The following NELL1 variants were observed in gnomAD, a reference collection of about 807,000 sequenced individuals.
The protein encoded by NELL1 is protein kinase C-binding protein NELL1.
Under a neutral mutation model 107.4 loss-of-function variants are expected in NELL1, and 76 were observed. The ratio of observed to expected loss-of-function variants is 0.71; its 90% CI spans 0.59 to 0.86. The LOEUF is 0.86. Ranked by LOEUF, NELL1 falls within the 40% of genes least tolerant of loss-of-function variation. NELL1 has a pLI of 0.00. For synonymous variants in NELL1, 353 were observed against 341.2 expected, an observed-to-expected ratio of 1.03 and a Z score of -0.38; for missense variants, 1,024 against 1,005.5, an observed-to-expected ratio of 1.02 and a Z score of -0.25.
chr11:21,573,508 G>A (rs548094192), intron 19 of NELL1, 99 bp downstream of exon 19: 3 of 988,264 alleles, frequency 3.0e-6, no homozygotes, highest in South Asian at 1.4e-5. Flanking sequence ...AGGTTCAATG[G>A]ACATGGTGGA....
chr11:21,398,007 G>A (rs1436479900), intron 15 of NELL1, among the ~76,000 whole-genome samples: 1 of 150,954 alleles, frequency 6.6e-6, no homozygotes, highest in Non-Finnish European at 1.5e-5. Flanking sequence ...TGTTATATCA[G>A]GCTAAATGAA....
rs1848524172 is a variant in NELL1, at chr11:21,261,196, T to TTTTTTTACTTTTATTTCAAGGTC, written c.1549+31743_1549+31765dup. ...GAAAATAAAATGAAATGGCCTTTTT[T>TTTTTTTACTTTTATTTCAAGGTC]TTTTTTACTTTTATTTCAAGGTCAG... On this transcript the variant is annotated intron_variant, in intron 14 of 19. Coordinates refer to ENST00000357134, the MANE Select transcript of NELL1 (RefSeq NM_006157.5). 2.0e-5 allele frequency among the ~76,000 whole-genome samples: 3 copies of TTTTTTTACTTTTATTTCAAGGTC among 151,802 alleles called. No individual in the cohort carries two copies. The South Asian group carries it at 6.2e-4, about 32-fold the overall frequency.
chr11:20,707,757 G>A (rs2467094), intron 2 of NELL1, among the ~76,000 whole-genome samples: 52,266 of 152,092 alleles, frequency 0.34, 9,844 homozygotes, highest in African/African-American at 0.48. Context: ...GCACCTGGCT[G>A]TAAGAGGTGT....
intron 15 of NELL1, among the ~76,000 whole-genome samples, chr11:21,456,858 TA>T (rs1407483456): frequency 1.3e-5 from 2 of 150,660 alleles, no homozygotes; most frequent in African/African-American, 4.9e-5. Context: ...TGAGATGGTG[TA>T]ACCAGACCAA....
intron 12 of NELL1, among the ~76,000 whole-genome samples, chr11:21,080,067 TA>T (rs1192316113): frequency 6.6e-6 from 1 of 152,100 alleles, no homozygotes; most frequent in Non-Finnish European, 1.5e-5. Context: ...TAAATATTTT[TA>T]TTAAGGGTTT....
At chr11:21,551,009 T>A (rs1213380088) in intron 16 of NELL1, among the ~76,000 whole-genome samples, 1 of 151,030 alleles carries the variant, frequency 6.6e-6, no homozygotes, top group Non-Finnish European at 1.5e-5. Flanking sequence ...TATCCTCTTT[T>A]ATTTCATGGA....
At chr11:20,819,299 G>A (rs1857695796) in intron 3 of NELL1, among the ~76,000 whole-genome samples, 1 of 152,190 alleles carries the variant, frequency 6.6e-6, no homozygotes, top group Admixed American at 6.5e-5. Flanking sequence ...AACAGGTGAG[G>A]TTGTCAGAGA....
chr11:21,409,530 A>G (rs1438147413), intron 15 of NELL1, among the ~76,000 whole-genome samples: 2 of 152,050 alleles, frequency 1.3e-5, no homozygotes, highest in Non-Finnish European at 2.9e-5. Flanking sequence ...ATGTATACAT[A>G]TGTAACTATC....
chr11:21,381,906 T>TTG (rs1380771698), intron 15 of NELL1, among the ~76,000 whole-genome samples: 4 of 6,180 alleles, frequency 6.5e-4, no homozygotes, highest in African/African-American at 1.7e-3. Flanking sequence ...TGGAAGGGAT[T>TTG]TTTTTTTTTT....
intron 4 of NELL1, among the ~76,000 whole-genome samples, chr11:20,882,218 T>TTG (rs1328251435): frequency 2.0e-5 from 3 of 152,236 alleles, no homozygotes; most frequent in African/African-American, 7.2e-5. Flanking sequence ...ATTTCTTAGT[T>TTG]TGTGTTATCA....
chr11:21,376,233 AAGGT>A (rs1851474685), intron 15 of NELL1, among the ~76,000 whole-genome samples: 1 of 152,018 alleles, frequency 6.6e-6, no homozygotes, highest in African/African-American at 2.4e-5. Flanking sequence ...TATATGGTGA[AAGGT>A]AGGAGTCCAG....
chr11:21,071,974 A>C (rs1332015691), intron 12 of NELL1, among the ~76,000 whole-genome samples: 1 of 152,130 alleles, frequency 6.6e-6, no homozygotes, highest in Non-Finnish European at 1.5e-5. Context: ...TATGCTGCCC[A>C]ATTTGGTAGC....
At chr11:21,402,892 C>G (rs1564877428) in intron 15 of NELL1, among the ~76,000 whole-genome samples, 1 of 151,612 alleles carries the variant, frequency 6.6e-6, no homozygotes, top group Non-Finnish European at 1.5e-5. Context: ...TGAATATTGC[C>G]ATTCTCTTTT....
intron 14 of NELL1, among the ~76,000 whole-genome samples, chr11:21,351,075 C>T (rs574690342): frequency 2.0e-5 from 3 of 151,966 alleles, no homozygotes; most frequent in Admixed American, 6.6e-5. Flanking sequence ...GAGGGCAATT[C>T]GACACAGAGC....
chr11:21,093,318 CA>C (rs1251800315), intron 12 of NELL1, among the ~76,000 whole-genome samples: 1 of 152,180 alleles, frequency 6.6e-6, no homozygotes, highest in Non-Finnish European at 1.5e-5. Flanking sequence ...GCCATTTGGG[CA>C]GAGTCCTACT....
At chr11:21,564,006 A>G (rs1179339043) in intron 17 of NELL1, among the ~76,000 whole-genome samples, 1 of 151,988 alleles carries the variant, frequency 6.6e-6, no homozygotes, top group Admixed American at 6.6e-5. Flanking sequence ...GAGTATAAGA[A>G]GGGTATAGTC....
chr11:20,735,205 G>T lies in NELL1; in HGVS notation c.185-48475G>T, dbSNP rs557432239. 3.3e-5 allele frequency among the ~76,000 whole-genome samples: 5 copies of T among 152,278 alleles called. No homozygotes were observed. In the East Asian group the frequency reaches 7.7e-4, roughly 24 times the overall value. ...GGTCAAATGCTGCTGAGGGTTGACGGAGATGAGGACTAAAAATTGTCCAAT... is the reference window on the plus strand; with the variant it reads ...GGTCAAATGCTGCTGAGGGTTGACGTAGATGAGGACTAAAAATTGTCCAAT... On this transcript the variant is annotated intron_variant, in intron 2 of 19. Transcript: ENST00000357134.
At chr11:21,066,240 C>T (rs1853867489) in intron 12 of NELL1, among the ~76,000 whole-genome samples, 1 of 152,158 alleles carries the variant, frequency 6.6e-6, no homozygotes, top group South Asian at 2.1e-4. Context: ...TCTCTTAGTA[C>T]ACCATTTTCA....
intron 4 of NELL1, among the ~76,000 whole-genome samples, chr11:20,855,183 T>C (rs938143194): frequency 2.0e-5 from 3 of 152,116 alleles, no homozygotes; most frequent in South Asian, 2.1e-4. Flanking sequence ...TTTTCTTTTT[T>C]TTTTTTTTCT....
Sources: allele counts gnomAD v4.1 joint callset (sites outside exome capture counted in the v4.1 genomes callset), GRCh38; gene constraint gnomAD v4.1.1; transcripts MANE v1.5; gene names NCBI Gene and HGNC (gene_info 2026-07-23, HGNC 2026-07-21).